KALRN: variants seen among roughly 807,000 people sequenced by gnomAD.
KALRN encodes the protein kalirin.
KALRN carries 70 observed loss-of-function variants against 353.7 expected under a neutral mutation model. The ratio of observed to expected loss-of-function variants is 0.20; its 90% CI spans 0.16 to 0.24. The LOEUF (loss-of-function observed/expected upper bound fraction) is 0.24. Among genes scored for constraint, KALRN ranks in the 10% least tolerant of loss-of-function variants. The pLI is 1.00. For missense variants in KALRN, 2,791 were observed against 3,756.7 expected (o/e 0.74, Z 6.72); for synonymous variants, 1,391 against 1,434.8 (o/e 0.97, Z 0.69).
chr3:124,653,381 G>A (rs1489181508), intron 38 of KALRN, among the ~76,000 whole-genome samples: 1 of 152,194 alleles, frequency 6.6e-6, no homozygotes, highest in African/African-American at 2.4e-5. Context: ...TGTACCATCA[G>A]TGGGATACAT....
Position 124,048,524 on chromosome 3 carries a change from C to T in KALRN, c.73+14711C>T, listed in dbSNP as rs1325471610. Among the ~76,000 whole-genome samples, 4 of 152,044 alleles carry T rather than the reference C, an allele frequency of 2.6e-5. No homozygotes were observed. The East Asian group carries it at 5.8e-4, about 22-fold the overall frequency. Reference sequence around the variant, plus strand: ...TGAGACAGAGTCTTGCTCTGTCACCCAGGCTGGAGTGCAGTGGTGCGATCT... The same window carrying T: ...TGAGACAGAGTCTTGCTCTGTCACCTAGGCTGGAGTGCAGTGGTGCGATCT... On this transcript the variant is annotated intron_variant, in intron 1 of 59. Coordinates refer to ENST00000682506, the MANE Select transcript of KALRN (RefSeq NM_001388419.1).
intron 4 of KALRN, 50 bp downstream of exon 4, chr3:124,264,740 C>A: frequency 6.7e-7 from 1 of 1,490,308 alleles, no homozygotes; most frequent in South Asian, 1.1e-5. Flanking sequence ...CCCCTTCTGC[C>A]ATCCACACAT....
At chr3:124,355,063 G>C (rs1007679929) in intron 10 of KALRN, among the ~76,000 whole-genome samples, 3 of 152,146 alleles carry the variant, frequency 2.0e-5, no homozygotes, top group Non-Finnish European at 4.4e-5. Flanking sequence ...GGAATCTCCT[G>C]GAAAAATCTG....
chr3:124,442,974 C>T (rs893043242), intron 19 of KALRN, among the ~76,000 whole-genome samples: 12 of 151,288 alleles, frequency 7.9e-5, no homozygotes, highest in East Asian at 1.9e-4. Context: ...TAGAGTGAGA[C>T]GCTGTCTCAA....
intron 51 of KALRN, among the ~76,000 whole-genome samples, chr3:124,689,102 GGACTTGGCCCA>G (rs2061692707): frequency 6.6e-6 from 1 of 152,188 alleles, no homozygotes; most frequent in Admixed American, 6.5e-5. Context: ...CTGTCCTCCC[GGACTTGGCCCA>G]GCATTCTCTT....
chr3:124,460,920 T>G (rs1359886605), intron 23 of KALRN, among the ~76,000 whole-genome samples: 1 of 152,178 alleles, frequency 6.6e-6, no homozygotes, highest in Non-Finnish European at 1.5e-5. Flanking sequence ...CTTCTCTTTA[T>G]GGGGGACTGA....
At chr3:124,244,475 G>A (rs1368322744) in intron 3 of KALRN, among the ~76,000 whole-genome samples, 1 of 152,174 alleles carries the variant, frequency 6.6e-6, no homozygotes, top group Non-Finnish European at 1.5e-5. Context: ...GACCTCAAGT[G>A]ATCCACACAC....
intron 1 of KALRN, among the ~76,000 whole-genome samples, chr3:124,128,619 G>T (rs1286553392): frequency 6.6e-6 from 1 of 152,176 alleles, no homozygotes; most frequent in African/African-American, 2.4e-5. Context: ...GTAACAAGAA[G>T]TAGAGAAGTA....
At chr3:124,225,909 G>C (rs1257572918) in intron 1 of KALRN, among the ~76,000 whole-genome samples, 2 of 152,176 alleles carry the variant, frequency 1.3e-5, no homozygotes, top group East Asian at 1.9e-4. Context: ...TCATTAGTTT[G>C]GGCCTTGCTA....
At chr3:124,280,434 G>T (rs186127181) in intron 5 of KALRN, among the ~76,000 whole-genome samples, 149 of 152,302 alleles carry the variant, frequency 9.8e-4, no homozygotes, top group African/African-American at 3.3e-3. Context: ...TGGGGACAGT[G>T]CTTGGGGACC....
chr3:124,317,624 A>C lies in KALRN; in HGVS notation c.1093-8356A>C, dbSNP rs181267416. Among the ~76,000 whole-genome samples, 35 of 151,342 alleles carry C rather than the reference A, an allele frequency of 2.3e-4. No individual in the cohort carries two copies. In the East Asian group the frequency reaches 6.7e-3, roughly 29 times the overall value. The stretch of plus-strand genomic sequence containing the variant: ...TGTTAAAATGCAGATTCTGATTCAG[A>C]AAGTTGGGGAAGGGCCTGAAATACT... On this transcript the variant is annotated intron_variant, in intron 6 of 59. Transcript: ENST00000682506.
intron 37 of KALRN, among the ~76,000 whole-genome samples, chr3:124,642,878 G>A (rs1025916367): frequency 1.1e-4 from 15 of 138,142 alleles, no homozygotes; most frequent in African/African-American, 2.2e-4. Context: ...GTGCAATGGC[G>A]TGATCATGGC....
At chr3:124,714,197 G>A (rs775246294) in intron 58 of KALRN, among the ~76,000 whole-genome samples, 35 of 152,186 alleles carry the variant, frequency 2.3e-4, no homozygotes, top group Non-Finnish European at 4.4e-4. Context: ...AGACTTAACA[G>A]TCTCTTTCAG....
chr3:124,700,884 A>C (rs187980752), intron 56 of KALRN, among the ~76,000 whole-genome samples: 1 of 152,336 alleles, frequency 6.6e-6, no homozygotes, highest in Admixed American at 6.5e-5. Context: ...CCAGTCCCAC[A>C]GTCAGCCCGG....
chr3:124,384,905 G>A lies in KALRN; in HGVS notation c.1831G>A (p.Glu611Lys). The change falls in exon 11 of 60, where the codon GAA (glutamate) becomes AAA (lysine). Residue 611 changes from glutamate to lysine, a missense_variant. Physicochemically the swap from Glu to Lys is moderately conservative, Grantham distance 56 (BLOSUM62 1). Transcript: ENST00000682506. ...AGCAGAGCAGTTGGCTCAGACGGGG[G>A]AATGTGACCCCGAGGAGATCTACAA... Reference protein sequence around the residue: ...EAAEQLAQTGECDPEEIYKAA... With the variant: ...EAAEQLAQTGKCDPEEIYKAA... The A allele has an allele frequency of 6.2e-7, 1 of 1,613,700 alleles. No individual in the cohort carries two copies. Among genetic ancestry groups the A allele is most frequent in the Non-Finnish European group, 8.5e-7 (1 of 1,179,816 alleles).
chr3:124,353,702 T>C (rs2083079834), intron 10 of KALRN, among the ~76,000 whole-genome samples: 2 of 151,764 alleles, frequency 1.3e-5, no homozygotes, highest in South Asian at 4.2e-4. Flanking sequence ...AGAGCTTAAA[T>C]AGATGCTTTT....
chr3:124,232,383 C>G (rs546134388), intron 2 of KALRN, among the ~76,000 whole-genome samples: 3 of 152,344 alleles, frequency 2.0e-5, no homozygotes, highest in East Asian at 3.9e-4. Flanking sequence ...TGGACTGCCT[C>G]TTGTCTACTG....
At chr3:124,510,640 A>G (rs994122864) in intron 33 of KALRN, among the ~76,000 whole-genome samples, 3 of 152,048 alleles carry the variant, frequency 2.0e-5, no homozygotes, top group African/African-American at 7.3e-5. Context: ...TAGTCCATCC[A>G]CAAGTTCTGG....
At chr3:124,503,350 T>A (rs2108683889) in intron 33 of KALRN, among the ~76,000 whole-genome samples, 1 of 152,284 alleles carries the variant, frequency 6.6e-6, no homozygotes, top group Non-Finnish European at 1.5e-5. Context: ...TTAGAATTGC[T>A]GTATAAATCC....
Sources: gnomAD v4.1 joint callset for allele counts (sites outside exome capture counted in the v4.1 genomes callset) on GRCh38, gnomAD v4.1.1 for gene constraint, MANE v1.5 for transcripts, NCBI Gene and HGNC (gene_info 2026-07-23, HGNC 2026-07-21) for gene names.